MYO15A: variants seen among roughly 807,000 people sequenced by gnomAD.
MYO15A encodes unconventional myosin-XV.
In MYO15A, 308 loss-of-function variants were observed where a neutral mutation model predicts 394.6. The observed-to-expected ratio is 0.78, with a 90% CI of 0.71 to 0.86. The LOEUF is 0.86. MYO15A is among the 40% of genes least tolerant of loss of function. The probability of loss-of-function intolerance (pLI) is 0.00; values close to 1 mark genes in which losing one functional copy is unlikely to be tolerated. For synonymous variants in MYO15A, 1,957 were observed against 2,003.8 expected (o/e 0.98, Z 0.62); for missense variants, 4,606 against 4,799.1 (o/e 0.96, Z 1.19).
chr17:18,136,253 G>A (rs907002897), intron 13 of MYO15A, among the ~76,000 whole-genome samples, 164 bp from the exon 14 acceptor site: 4 of 152,164 alleles, frequency 2.6e-5, no homozygotes, highest in Non-Finnish European at 4.4e-5. Flanking sequence ...TTTCCAGGCA[G>A]AGTCAGAGTG....
Position 18,118,751 on chromosome 17 carries a change from C to A in MYO15A, c.-50C>A. ...GAGCAGGTCCCTGTGTCTCCAAGTC[C>A]CTGAGCCCGTGACACCGGCCCCAGG... On this transcript the variant is annotated 5_prime_UTR_variant, in exon 2 of 66. Coordinates refer to ENST00000647165, the MANE Select transcript of MYO15A (RefSeq NM_016239.4). 3 of 1,606,744 alleles carry A rather than the reference C, an allele frequency of 1.9e-6. No homozygotes were observed. Among genetic ancestry groups the A allele is most frequent in the Non-Finnish European group, 2.5e-6 (3 of 1,177,734 alleles).
chr17:18,131,942 T>C (rs986662793), intron 10 of MYO15A, among the ~76,000 whole-genome samples: 8 of 152,164 alleles, frequency 5.3e-5, no homozygotes, highest in Non-Finnish European at 1.2e-4. Context: ...TCCAGTGTAC[T>C]TTTCCCTGTC....
chr17:18,122,001 G>A lies in MYO15A; in HGVS notation c.3201G>A (p.Ala1067=), dbSNP rs148356427. The change falls in exon 2 of 66, where the codon GCG becomes GCA. Residue 1067 remains alanine, a synonymous_variant. Coordinates refer to ENST00000647165, the MANE Select transcript of MYO15A (RefSeq NM_016239.4). ...LRPSLSYPLA[A]CDQTRATWPP... ...CCAGCCTCTCATACCCACTGGCTGC[G>A]TGTGACCAGACCAGGGCCACATGGC... The A allele has an allele frequency of 7.0e-4, 1,131 of 1,613,192 alleles. 5 individuals carry two copies. The African/African-American group carries it at 0.013, about 19-fold the overall frequency.
In MYO15A at chr17:18,155,391, C is replaced by T. The variant is rs200312324; in HGVS notation, c.8418C>T (p.Gly2806=). ...GIKLLRMVKG[G]QEAGGQLRVL... is the part of the protein sequence containing the mutation. ...AACTCCTGAGGATGGTCAAGGGTGG[C>T]CAGGAGGCCGGCGGGCAGCTGCGGG... The change falls in exon 47 of 66, where the codon GGC becomes GGT. Residue 2806 remains glycine (G), a synonymous_variant. Coordinates refer to ENST00000647165, the MANE Select transcript of MYO15A (RefSeq NM_016239.4). 1.3e-5 allele frequency: 21 copies of T among 1,613,594 alleles called. No individual in the cohort carries two copies. The East Asian group carries it at 4.5e-4, about 34-fold the overall frequency.
chr17:18,126,898 G>A (rs1049071917), intron 6 of MYO15A, 33 bp downstream of exon 6: 2 of 1,612,366 alleles, frequency 1.2e-6, no homozygotes, highest in Non-Finnish European at 1.7e-6. Context: ...GGGGATAAAT[G>A]GGGGACCTTA....
intron 29 of MYO15A, 116 bp from the exon 30 acceptor site, chr17:18,145,756 A>G (rs377530358): frequency 9.6e-6 from 8 of 829,676 alleles, no homozygotes; most frequent in Admixed American, 2.0e-5. Context: ...AATATAAGGG[A>G]CATTTATATG....
At chr17:18,167,317 C>T (rs2046868544) in intron 61 of MYO15A, among the ~76,000 whole-genome samples, 1 of 152,232 alleles carries the variant, frequency 6.6e-6, no homozygotes, top group Non-Finnish European at 1.5e-5. Context: ...CATGTCCACA[C>T]TGCAGTGTTG....
In MYO15A at chr17:18,117,933, C is replaced by A. The variant is rs1272625266; in HGVS notation, c.-219-649C>A. On this transcript the variant is annotated intron_variant, in intron 1 of 65. Coordinates refer to ENST00000647165, the MANE Select transcript of MYO15A (RefSeq NM_016239.4). The surrounding 1 kb of genome is among the most constrained non-coding windows in gnomAD (Gnocchi z 4.1). ...TGGGGCATAGCTTATCACTCCCATT[C>A]TTCAGAGGAAACTGAGGCCCAGAGA... Among the ~76,000 whole-genome samples the A allele has an allele frequency of 6.6e-6, 1 of 152,160 alleles. No homozygotes were observed. The highest frequency in any genetic ancestry group is 1.5e-5 in the Non-Finnish European group (1 of 68,034).
Position 18,159,322 on chromosome 17 carries a change from C to G in MYO15A, c.9204C>G (p.Ser3068Arg), listed in dbSNP as rs960766318. Residue 3068 changes from serine (S) to arginine (R), a missense_variant, in exon 54 of 66, where the codon AGC becomes AGG. By Grantham distance (110) the Ser-to-Arg change is moderately radical. This residue lies in a region of MYO15A where 2,776 missense variants were observed against 3,109.3 expected (regional missense o/e 0.89). Coordinates refer to ENST00000647165, the MANE Select transcript of MYO15A (RefSeq NM_016239.4). ...TCGAACTCAGCGACAGCAGCCTCAGCAAGATGGCCACCGACATGTTCCTAG... is the reference window on the plus strand; with the variant it reads ...TCGAACTCAGCGACAGCAGCCTCAGGAAGATGGCCACCGACATGTTCCTAG... ...SLIELSDSSLSKMATDMFLAV... is the reference protein window; with the variant it reads ...SLIELSDSSLRKMATDMFLAV... The G allele has an allele frequency of 6.2e-7, 1 of 1,614,212 alleles. No individual in the cohort carries two copies. Among genetic ancestry groups the G allele is most frequent in the Admixed American group, 1.7e-5 (1 of 60,024 alleles).
Position 18,138,865 on chromosome 17 carries a change from C to T in MYO15A, c.5062C>T (p.Leu1688Phe), listed in dbSNP as rs370079495. 3 of 1,613,792 alleles carry T rather than the reference C, an allele frequency of 1.9e-6. No homozygotes were observed. Among genetic ancestry groups the T allele is most frequent in the African/African-American group, 1.3e-5 (1 of 75,056 alleles). Reference protein sequence around the residue: ...KCHYHHGANPLYSKPKMPLPE... With the variant: ...KCHYHHGANPFYSKPKMPLPE... ...CCACTACCATCATGGCGCCAACCCG[C>T]TCTATTCCAAACCCAAGATGCCGCT... The change falls in exon 18 of 66, where the codon CTC becomes TTC. Residue 1688 changes from leucine (L) to phenylalanine (F), a missense_variant. By Grantham distance (22) the Leu-to-Phe change is conservative (BLOSUM62 0). Coordinates refer to ENST00000647165, the MANE Select transcript of MYO15A (RefSeq NM_016239.4).
chr17:18,178,641 G>A, intron 65 of MYO15A, 128 bp from the exon 66 acceptor site: 1 of 916,846 alleles, frequency 1.1e-6, no homozygotes, highest in East Asian at 2.6e-5. Context: ...GGGAGGTGGG[G>A]ACAAGGGTCC....
Position 18,110,644 on chromosome 17 carries a change from T to A in MYO15A, c.-220+1820T>A, listed in dbSNP as rs187630170. On this transcript the variant is annotated intron_variant, in intron 1 of 65. Transcript: ENST00000647165. ...ATCAAGCCCTTCATCTATGTGAGAA[T>A]CTAGTGAGATATTCCAGAAAAGCAT... 2.6e-3 allele frequency among the ~76,000 whole-genome samples: 391 copies of A among 152,296 alleles called. 4 individuals are homozygous for A. The highest frequency in any genetic ancestry group is 0.021 in the Admixed American group (326 of 15,304).
In MYO15A at chr17:18,148,574, C is replaced by T; in HGVS notation, c.6764+6C>T. The T allele has an allele frequency of 7.7e-6, 12 of 1,551,454 alleles. No homozygotes were observed. Among genetic ancestry groups the T allele is most frequent in the East Asian group, 7.3e-5 (3 of 40,920 alleles). On this transcript the variant is annotated splice_donor_region_variant and intron_variant, in intron 32 of 65. Coordinates refer to ENST00000647165, the MANE Select transcript of MYO15A (RefSeq NM_016239.4). This position sits in a 1 kb window ranked among gnomAD's most constrained non-coding sequence, Gnocchi z 4.8. ...GGAGACATTCTGAGGCACAGGTTGGCTCCTAGGATGCCCTCCCAGCACACT... is the reference window on the plus strand; with the variant it reads ...GGAGACATTCTGAGGCACAGGTTGGTTCCTAGGATGCCCTCCCAGCACACT...
rs776453034 is a variant in MYO15A at position 18,119,892 on chromosome 17, C to G, written c.1092C>G (p.Tyr364Ter). The G allele has an allele frequency of 1.2e-6, 2 of 1,613,320 alleles. No individual in the cohort carries two copies. The highest frequency in any genetic ancestry group is 2.2e-5 in the South Asian group (2 of 91,088). Residue 364 changes from tyrosine (Y) to a stop codon, truncating the protein, a stop_gained, in exon 2 of 66, where the codon TAC becomes TAG. Transcript: ENST00000647165. LOFTEE classifies it high-confidence loss of function. Reference sequence around the variant, plus strand: ...ATGACCTCCCATACCACACTCCCTACGATGTACCCTACTTTGATCCCTACG... The same window carrying G: ...ATGACCTCCCATACCACACTCCCTAGGATGTACCCTACTTTGATCCCTACG... ...PPYDLPYHTP[Y>*]DVPYFDPYGV...
chr17:18,171,541 G>A (rs80034203), intron 62 of MYO15A, 97 bp from the exon 63 acceptor site: 37 of 1,565,336 alleles, frequency 2.4e-5, no homozygotes, highest in Non-Finnish European at 3.1e-5. Flanking sequence ...CCAGGGAGGT[G>A]CATAGATCAG....
chr17:18,163,129 T>A, intron 58 of MYO15A, 115 bp from the exon 59 acceptor site: 1 of 1,113,154 alleles, frequency 9.0e-7, no homozygotes, highest in Non-Finnish European at 1.4e-6. Flanking sequence ...GCTCAAGTGT[T>A]CCTACACGTG....
chr17:18,124,380 C>G, intron 2 of MYO15A, 103 bp from the exon 3 acceptor site: 1 of 1,255,304 alleles, frequency 8.0e-7, no homozygotes, highest in Non-Finnish European at 1.1e-6. Flanking sequence ...TTGGGGTTCC[C>G]TCCCCAACAA....
chr17:18,167,489 T>A, intron 61 of MYO15A, 101 bp from the exon 62 acceptor site: 1 of 1,564,370 alleles, frequency 6.4e-7, no homozygotes, highest in Non-Finnish European at 8.7e-7. Flanking sequence ...CAGAAGAGGA[T>A]GGGGCTGCAA....
Position 18,167,610 on chromosome 17 carries a change from G to A in MYO15A, c.9969G>A (p.Lys3323=). 1 of 1,603,256 alleles carries A rather than the reference G, an allele frequency of 6.2e-7. No individual in the cohort carries two copies. ...TGCAGGTCCTGCCTGACTACCTGAA[G>A]GGACTCTTCAGCAGTGTGCCGGCCA... is the stretch of plus-strand genomic sequence containing the variant. The part of the protein sequence containing the change: ...HYNQVLPDYL[K]GLFSSVPASR... Residue 3323 remains lysine, a synonymous_variant, in exon 62 of 66, where the codon AAG becomes AAA. Transcript: ENST00000647165.
Sources: gnomAD v4.1 joint callset for allele counts (sites outside exome capture counted in the v4.1 genomes callset) on GRCh38, gnomAD v4.1.1 for gene constraint, gnomAD v4.1.1 regional missense constraint, Gnocchi (gnomAD v3.1) non-coding constraint, MANE v1.5 for transcripts, NCBI Gene and HGNC (gene_info 2026-07-23, HGNC 2026-07-21) for gene names.